LRPPRC: variants seen among roughly 807,000 people sequenced by gnomAD.
LRPPRC encodes the protein leucine-rich PPR motif-containing protein, mitochondrial.
In LRPPRC, 120 loss-of-function variants were observed where a neutral mutation model predicts 180.3. That is an observed-to-expected ratio of 0.67 (90% confidence interval 0.57 to 0.77). The LOEUF (loss-of-function observed/expected upper bound fraction) is 0.77, where lower values mean the gene tolerates loss of function less well. LRPPRC is among the 30% of genes least tolerant of loss of function. The pLI, the probability that LRPPRC is intolerant of heterozygous loss-of-function variation, is 0.00. For synonymous variants in LRPPRC, 723 were observed against 600.0 expected (o/e 1.21, Z -3.00); for missense variants, 2,012 against 1,657.2 (o/e 1.21, Z -3.72).
chr2:43,927,830 A>G (rs1242575517), intron 25 of LRPPRC, among the ~76,000 whole-genome samples: 6 of 152,246 alleles, frequency 3.9e-5, no homozygotes, highest in Non-Finnish European at 8.8e-5. Flanking sequence ...GTTTTCATAT[A>G]TAAATCTCAA....
At chr2:43,903,882 T>A (rs1208285914) in intron 31 of LRPPRC, 1 of 152,240 alleles carries the variant, frequency 6.6e-6, no homozygotes, top group Non-Finnish European at 1.5e-5. Context: ...CGAGCAAGTT[T>A]AACTTTTCAT....
At chr2:43,899,765 C>A (rs1235797523) in intron 32 of LRPPRC, 160 bp from the exon 33 acceptor site, 3 of 611,452 alleles carry the variant, frequency 4.9e-6, no homozygotes, top group Non-Finnish European at 5.8e-6. Flanking sequence ...CAACTGAAAC[C>A]CTGAATCACA....
chr2:43,982,715 A>G (rs751312147), intron 1 of LRPPRC, among the ~76,000 whole-genome samples: 3 of 152,228 alleles, frequency 2.0e-5, no homozygotes, highest in Non-Finnish European at 2.9e-5. Flanking sequence ...AGATGGAAAT[A>G]CAGTGTGTTT....
rs1406766485 is a variant in LRPPRC, at chr2:43,949,599, T to C, written c.1735+3A>G. 3 of 1,612,556 alleles carry C rather than the reference T, an allele frequency of 1.9e-6. No individual in the cohort carries two copies. The highest frequency in any genetic ancestry group is 1.3e-5 in the African/African-American group (1 of 74,910). ...GTTACAATCATCGAAATTGAAACGCTACCCGTCGGTCCTCGAGGCTCCTGG... is the reference window on the plus strand; with the variant it reads ...GTTACAATCATCGAAATTGAAACGCCACCCGTCGGTCCTCGAGGCTCCTGG... On this transcript the variant is annotated splice_donor_region_variant and intron_variant, in intron 16 of 37. Coordinates refer to ENST00000260665, the MANE Select transcript of LRPPRC (RefSeq NM_133259.4).
At chr2:43,986,149 G>T (rs868690331) in intron 1 of LRPPRC, among the ~76,000 whole-genome samples, 1 of 151,610 alleles carries the variant, frequency 6.6e-6, no homozygotes, top group East Asian at 1.9e-4. Flanking sequence ...ATTTTATTTT[G>T]AGATGGAGTC....
At chr2:43,963,263 G>A (rs545300006) in intron 12 of LRPPRC, among the ~76,000 whole-genome samples, 1 of 152,064 alleles carries the variant, frequency 6.6e-6, no homozygotes, top group Non-Finnish European at 1.5e-5. Flanking sequence ...CGACCAACAT[G>A]GAGAAACCCT....
At chr2:43,918,843 AT>A (rs1345805496) in intron 27 of LRPPRC, among the ~76,000 whole-genome samples, 1 of 147,830 alleles carries the variant, frequency 6.8e-6, no homozygotes, top group East Asian at 1.9e-4. Context: ...ATATCTCTAT[AT>A]ATAGAGATAT....
rs758613772 is a variant in LRPPRC at position 43,925,026 on chromosome 2, A to G, written c.2896+41T>C. ...TACTCCTTTCCTGCCACTGCCTTCAACAGAATAAATGAAAGCGTGAAGAAT... is the reference window on the plus strand; with the variant it reads ...TACTCCTTTCCTGCCACTGCCTTCAGCAGAATAAATGAAAGCGTGAAGAAT... On this transcript the variant is annotated intron_variant, in intron 27 of 37. Coordinates refer to ENST00000260665, the MANE Select transcript of LRPPRC (RefSeq NM_133259.4). The G allele has an allele frequency of 1.5e-5, 17 of 1,164,722 alleles. No individual in the cohort carries two copies. The African/African-American group carries it at 2.4e-4, about 16-fold the overall frequency. The allele number at this position is 1,164,722 out of a possible 1,614,324, so 72.1% of individuals were successfully genotyped here.
chr2:43,895,221 A>C (rs955305749), intron 35 of LRPPRC, among the ~76,000 whole-genome samples: 2 of 152,214 alleles, frequency 1.3e-5, no homozygotes, highest in African/African-American at 4.8e-5. Flanking sequence ...CATGATGGAT[A>C]TATAAACATC....
At chr2:43,932,070 T>C (rs1344755060) in intron 25 of LRPPRC, among the ~76,000 whole-genome samples, 1 of 121,528 alleles carries the variant, frequency 8.2e-6, no homozygotes, top group Non-Finnish European at 1.6e-5. Flanking sequence ...AAGGCTGCAG[T>C]AAGCTAAGCC....
At chr2:43,905,582 T>G in intron 31 of LRPPRC, 110 bp downstream of exon 31, 1 of 801,782 alleles carries the variant, frequency 1.2e-6, no homozygotes, top group Non-Finnish European at 2.3e-6. Flanking sequence ...AGGCTCTTGA[T>G]AAGCAGGTAA....
At chr2:43,969,402 T>C (rs1266395984) in intron 11 of LRPPRC, among the ~76,000 whole-genome samples, 1 of 140,412 alleles carries the variant, frequency 7.1e-6, no homozygotes, top group Non-Finnish European at 1.5e-5. Context: ...AGAGCGAGAC[T>C]CCATCTCAAA....
chr2:43,956,715 C>T (rs1301587911), intron 14 of LRPPRC, among the ~76,000 whole-genome samples: 1 of 152,086 alleles, frequency 6.6e-6, no homozygotes, highest in Non-Finnish European at 1.5e-5. Flanking sequence ...CATGGTGAAA[C>T]CCCATCTCTA....
At chr2:43,945,044 G>A (rs1021903328) in intron 22 of LRPPRC, among the ~76,000 whole-genome samples, 3 of 152,030 alleles carry the variant, frequency 2.0e-5, no homozygotes, top group Admixed American at 2.0e-4. Flanking sequence ...TAAGCAAATT[G>A]TGCCATAAGT....
In LRPPRC at chr2:43,896,667, C is replaced by CA; in HGVS notation, c.3866dup (p.Leu1289PhefsTer5). 1 of 1,612,600 alleles carries CA rather than the reference C, an allele frequency of 6.2e-7. No individual in the cohort carries two copies. Among genetic ancestry groups the CA allele is most frequent in the Non-Finnish European group, 8.5e-7 (1 of 1,178,748 alleles). ...GTTTCCTAGAATTCCTAAGGAGGAA[C>CA]AACAACAAAATCGGGGTTTGTTCAG... On this transcript the variant is annotated frameshift_variant, in exon 35 of 38. Transcript: ENST00000260665. LOFTEE classifies it high-confidence loss of function.
chr2:43,948,078 G>A (rs1485021974), intron 18 of LRPPRC, 44 bp downstream of exon 18: 1 of 1,229,924 alleles, frequency 8.1e-7, no homozygotes. Flanking sequence ...GCTGTTATAT[G>A]TAAGTTAAGC....
At chr2:43,937,100 G>C (rs888907393) in intron 23 of LRPPRC, among the ~76,000 whole-genome samples, 6 of 152,134 alleles carry the variant, frequency 3.9e-5, no homozygotes, top group African/African-American at 1.4e-4. Flanking sequence ...TTAGGTCAAA[G>C]CTATCAATAA....
At chr2:43,956,172 A>C (rs1197584525) in intron 14 of LRPPRC, among the ~76,000 whole-genome samples, 1 of 152,172 alleles carries the variant, frequency 6.6e-6, no homozygotes, top group Non-Finnish European at 1.5e-5. Context: ...TTAAAAAACA[A>C]ACAAAAAAGC....
At chr2:43,936,340 G>A (rs1307593331) in intron 23 of LRPPRC, among the ~76,000 whole-genome samples, 2 of 152,116 alleles carry the variant, frequency 1.3e-5, no homozygotes, top group Non-Finnish European at 2.9e-5. Flanking sequence ...ATAAAGTGGT[G>A]CAATTTGGAA....
Sources: gnomAD v4.1 joint callset for allele counts (sites outside exome capture counted in the v4.1 genomes callset) on GRCh38, gnomAD v4.1.1 for gene constraint, MANE v1.5 for transcripts, NCBI Gene and HGNC (gene_info 2026-07-23, HGNC 2026-07-21) for gene names.